GALNT13: variants seen among roughly 807,000 people sequenced by gnomAD.
The protein encoded by GALNT13 is UDP-GalNAc:polypeptide N-acetylgalactosaminyltransferase 13.
In GALNT13, 28 loss-of-function variants were observed where a neutral mutation model predicts 64.2. The ratio of observed to expected loss-of-function variants is 0.44; its 90% CI spans 0.32 to 0.60. The LOEUF (loss-of-function observed/expected upper bound fraction) is 0.60. GALNT13 is among the 20% of genes least tolerant of loss of function. GALNT13 has a pLI of 0.05. For synonymous variants in GALNT13, 214 were observed against 224.6 expected, an observed-to-expected ratio of 0.95 and a Z score of 0.42; for missense variants, 577 against 669.8, an observed-to-expected ratio of 0.86 and a Z score of 1.53.
chr2:153,760,055 A>G, the GALNT13 span, among the ~76,000 whole-genome samples: 1 of 151,782 alleles, frequency 6.6e-6, no homozygotes, highest in Non-Finnish European at 1.5e-5. Context: ...ATTTCTTCTA[A>G]TTTATTTATT....
chr2:154,179,924 A>C (rs1170330655), intron 4 of GALNT13, among the ~76,000 whole-genome samples: 1 of 151,938 alleles, frequency 6.6e-6, no homozygotes, highest in Non-Finnish European at 1.5e-5. Context: ...ATACTCAGGG[A>C]GGCAGATGTT....
chr2:153,923,765 C>G (rs1355575732), intron 2 of GALNT13, among the ~76,000 whole-genome samples: 1 of 146,108 alleles, frequency 6.8e-6, no homozygotes, highest in Non-Finnish European at 1.5e-5. Flanking sequence ...TGTTCAATTC[C>G]TACCTATGAG....
At chr2:153,181,860 A>G in the GALNT13 span, among the ~76,000 whole-genome samples, 2 of 146,678 alleles carry the variant, frequency 1.4e-5, no homozygotes, top group Non-Finnish European at 3.0e-5. Context: ...TAAGTATATT[A>G]TATAAGTATA....
chr2:153,946,672 C>T (rs1292442896), intron 3 of GALNT13, among the ~76,000 whole-genome samples: 1 of 148,296 alleles, frequency 6.7e-6, no homozygotes, highest in African/African-American at 2.4e-5. Flanking sequence ...ATGAAGGTTC[C>T]ACCTTCATGA....
intron 4 of GALNT13, among the ~76,000 whole-genome samples, chr2:154,209,638 A>G (rs1322082473): frequency 6.6e-6 from 1 of 152,172 alleles, no homozygotes; most frequent in East Asian, 1.9e-4. Flanking sequence ...AAGTTTTAGA[A>G]AACATCCAGA....
At chr2:153,692,244 G>C in the GALNT13 span, among the ~76,000 whole-genome samples, 1 of 152,202 alleles carries the variant, frequency 6.6e-6, no homozygotes, top group East Asian at 1.9e-4. Context: ...ATCGTAAAGG[G>C]GGTTTCTGAG....
At chr2:153,970,254 A>G (rs560132843) in intron 3 of GALNT13, among the ~76,000 whole-genome samples, 2 of 152,238 alleles carry the variant, frequency 1.3e-5, no homozygotes, top group East Asian at 3.9e-4. Flanking sequence ...TTGTTTCCAT[A>G]TTGCTAAGTC....
intron 3 of GALNT13, among the ~76,000 whole-genome samples, chr2:154,100,450 T>G (rs960723189): frequency 1.3e-5 from 2 of 152,134 alleles, no homozygotes; most frequent in African/African-American, 4.8e-5. Flanking sequence ...CCTAGGTATT[T>G]TATTTTATTG....
At chr2:153,222,324 GGGTGGGGT>G in the GALNT13 span, among the ~76,000 whole-genome samples, 91 of 132,634 alleles carry the variant, frequency 6.9e-4, no homozygotes, top group Non-Finnish European at 9.6e-4. Context: ...GGGGGGGGGG[GGGTGGGGT>G]GGGGGGGGGG....
chr2:153,139,042 T>C, the GALNT13 span, among the ~76,000 whole-genome samples: 50 of 152,106 alleles, frequency 3.3e-4, no homozygotes, highest in Non-Finnish European at 6.0e-4. Context: ...AAGACTTTTT[T>C]CTTTAAGTCA....
At chr2:153,166,982 T>G in the GALNT13 span, among the ~76,000 whole-genome samples, 1 of 152,220 alleles carries the variant, frequency 6.6e-6, no homozygotes, top group African/African-American at 2.4e-5. Flanking sequence ...CAGCTCTGAC[T>G]GAGACCTTGA....
intron 7 of GALNT13, among the ~76,000 whole-genome samples, chr2:154,246,833 A>G (rs1045543942): frequency 6.6e-6 from 1 of 152,030 alleles, no homozygotes; most frequent in Non-Finnish European, 1.5e-5. Context: ...AAACAAAATA[A>G]CAAAAACACT....
the GALNT13 span, among the ~76,000 whole-genome samples, chr2:153,111,266 A>G: frequency 6.6e-6 from 1 of 152,128 alleles, no homozygotes; most frequent in South Asian, 2.1e-4. Flanking sequence ...AATTCCTTTG[A>G]TAACATAAAA....
the GALNT13 span, among the ~76,000 whole-genome samples, chr2:153,652,404 T>C: frequency 6.6e-6 from 1 of 152,096 alleles, no homozygotes; most frequent in African/African-American, 2.4e-5. Context: ...GAGGATCACC[T>C]GAGGTCAGGA....
upstream of GALNT13, among the ~76,000 whole-genome samples, chr2:153,867,379 C>G (rs566972242): frequency 7.8e-6 from 1 of 127,570 alleles, no homozygotes; most frequent in Non-Finnish European, 1.8e-5. Flanking sequence ...TATCTATAAA[C>G]TATTTGTGGT....
chr2:154,306,291 T>C (rs904247831), intron 9 of GALNT13, among the ~76,000 whole-genome samples: 2 of 152,000 alleles, frequency 1.3e-5, no homozygotes, highest in Non-Finnish European at 2.9e-5. Flanking sequence ...CCTAATGCTA[T>C]CCCTCCCCTA....
the GALNT13 span, among the ~76,000 whole-genome samples, chr2:153,807,695 A>T: frequency 6.6e-6 from 1 of 151,980 alleles, no homozygotes; most frequent in East Asian, 1.9e-4. Context: ...AGCTTTTATT[A>T]CATTTCTTTA....
intron 9 of GALNT13, among the ~76,000 whole-genome samples, chr2:154,387,004 A>G (rs924726101): frequency 3.9e-5 from 6 of 152,118 alleles, no homozygotes; most frequent in Admixed American, 2.6e-4. Context: ...TGTAAAATTC[A>G]TTATCTCATT....
At chr2:153,690,472 T>A in the GALNT13 span, among the ~76,000 whole-genome samples, 15 of 152,104 alleles carry the variant, frequency 9.9e-5, no homozygotes, top group African/African-American at 3.6e-4. Context: ...GAATCTCAGT[T>A]TAAAGCTTGA....
Sources: gnomAD v4.1 joint callset for allele counts (sites outside exome capture counted in the v4.1 genomes callset) on GRCh38, gnomAD v4.1.1 for gene constraint, MANE v1.5 for transcripts, NCBI Gene and HGNC (gene_info 2026-07-23, HGNC 2026-07-21) for gene names.